TVP23A: variants seen among roughly 807,000 people sequenced by gnomAD.
The protein encoded by TVP23A is Golgi apparatus membrane protein TVP23 homolog A.
Under a neutral mutation model 31.7 loss-of-function variants are expected in TVP23A, and 21 were observed. The observed-to-expected ratio is 0.66, with a 90% CI of 0.47 to 0.95. The LOEUF (loss-of-function observed/expected upper bound fraction) is 0.95. Ranked by LOEUF, TVP23A falls within the 40% of genes least tolerant of loss-of-function variation. The pLI, the probability that TVP23A is intolerant of heterozygous loss-of-function variation, is 0.00. For missense variants in TVP23A, 279 were observed against 255.6 expected (o/e 1.09, Z -0.62); for synonymous variants, 104 against 96.0 (o/e 1.08, Z -0.49).
At chr16:10,797,809 G>A (rs1047314687) in intron 2 of TVP23A, among the ~76,000 whole-genome samples, 3 of 152,008 alleles carry the variant, frequency 2.0e-5, no homozygotes, top group African/African-American at 7.2e-5. Context: ...AAAATGATCG[G>A]GGGAAGGTGA....
At chr16:10,797,567 G>T (rs549388003) in intron 2 of TVP23A, among the ~76,000 whole-genome samples, 4 of 139,228 alleles carry the variant, frequency 2.9e-5, no homozygotes, top group Non-Finnish European at 6.0e-5. Flanking sequence ...AAAAAAAAAT[G>T]ATTCTTATCA....
chr16:10,804,751 C>T (rs1373943677), intron 2 of TVP23A, among the ~76,000 whole-genome samples: 1 of 152,032 alleles, frequency 6.6e-6, no homozygotes, highest in Non-Finnish European at 1.5e-5. Flanking sequence ...GTCTTTAAAA[C>T]AAACAAACAA....
rs766112554 is a variant in TVP23A, at chr16:10,773,996, C to T, written c.324+43G>A. 29 of 1,490,944 alleles carry T rather than the reference C, an allele frequency of 1.9e-5. No individual in the cohort carries two copies. In the Admixed American group the frequency reaches 5.3e-4, roughly 27 times the overall value. The allele number at this position is 1,490,944 out of a possible 1,614,324, so 92.4% of individuals were successfully genotyped here. Reference sequence around the variant, plus strand: ...GGAACCCACAGAAACTTTCCACACCCATTATCCCCGCTCTGGTTAGTTCAG... The same window carrying T: ...GGAACCCACAGAAACTTTCCACACCTATTATCCCCGCTCTGGTTAGTTCAG... On this transcript the variant is annotated intron_variant, in intron 4 of 7. Transcript: ENST00000299866.
chr16:10,781,241 A>G (rs1312401084), intron 2 of TVP23A, among the ~76,000 whole-genome samples: 1 of 151,842 alleles, frequency 6.6e-6, no homozygotes, highest in African/African-American at 2.4e-5. Flanking sequence ...AGACAGGAGG[A>G]TCGCTTGAAC....
intron 2 of TVP23A, among the ~76,000 whole-genome samples, chr16:10,802,272 GTGTGTGTGTGTGTATA>G (rs1184376480): frequency 1.5e-5 from 2 of 133,818 alleles, no homozygotes; most frequent in African/African-American, 6.5e-5. Flanking sequence ...GTGTGTGTGT[GTGTGTGTGTGTGTATA>G]TGTGTGTGTG....
downstream of TVP23A, among the ~76,000 whole-genome samples, chr16:10,760,207 T>C (rs1444487109): frequency 1.3e-5 from 2 of 152,248 alleles, no homozygotes; most frequent in Non-Finnish European, 1.5e-5. Flanking sequence ...AAGGGCCAGA[T>C]AGGAAGTAGG....
At chr16:10,761,634 G>A in intron 8 of TVP23A, 1 of 950,562 alleles carries the variant, frequency 1.1e-6, no homozygotes, top group South Asian at 1.7e-5. Flanking sequence ...AAGTTCTTTA[G>A]GTGTTAAGGG....
chr16:10,804,545 T>C (rs775652487), intron 2 of TVP23A, among the ~76,000 whole-genome samples: 4 of 152,120 alleles, frequency 2.6e-5, no homozygotes, highest in Non-Finnish European at 5.9e-5. Flanking sequence ...GCCAGGAGTC[T>C]GAGACCAGCC....
At chr16:10,804,611 T>G (rs1032299719) in intron 2 of TVP23A, among the ~76,000 whole-genome samples, 1 of 152,116 alleles carries the variant, frequency 6.6e-6, no homozygotes, top group Admixed American at 6.6e-5. Flanking sequence ...GCCGGTGTGG[T>G]GGTACATGTC....
At chr16:10,792,866 G>A (rs1011833853) in intron 2 of TVP23A, among the ~76,000 whole-genome samples, 2 of 152,248 alleles carry the variant, frequency 1.3e-5, no homozygotes, top group Non-Finnish European at 2.9e-5. Flanking sequence ...GAGGCTGATT[G>A]CCAAGTGCTC....
At chr16:10,772,229 G>C (rs1017033213) in intron 5 of TVP23A, among the ~76,000 whole-genome samples, 2 of 152,196 alleles carry the variant, frequency 1.3e-5, no homozygotes, top group African/African-American at 2.4e-5. Context: ...ATTTTACAAA[G>C]AGGAAACTGA....
intron 2 of TVP23A, among the ~76,000 whole-genome samples, chr16:10,814,817 A>G (rs1435457757): frequency 7.9e-5 from 12 of 152,196 alleles, no homozygotes; most frequent in Non-Finnish European, 2.9e-5. Context: ...CCCCATCCTC[A>G]TAGAAGGTTC....
intron 3 of TVP23A, 100 bp from the exon 4 acceptor site, chr16:10,774,228 C>T (rs950334819): frequency 5.9e-6 from 5 of 842,732 alleles, no homozygotes; most frequent in Non-Finnish European, 9.1e-6. Context: ...CAGACTTGTA[C>T]TGGGAGCAGG....
intron 2 of TVP23A, among the ~76,000 whole-genome samples, chr16:10,808,345 T>TTGA (rs2034038092): frequency 6.6e-6 from 1 of 152,134 alleles, no homozygotes; most frequent in Non-Finnish European, 1.5e-5. Context: ...CAAAAGTTAC[T>TTGA]TGATTGGCTA....
intron 5 of TVP23A, among the ~76,000 whole-genome samples, chr16:10,772,220 T>C (rs538317445): frequency 6.6e-6 from 1 of 152,218 alleles, no homozygotes; most frequent in South Asian, 2.1e-4. Context: ...CATCATCCCA[T>C]TTTACAAAGA....
downstream of TVP23A, among the ~76,000 whole-genome samples, chr16:10,757,477 T>G (rs191600962): frequency 6.6e-6 from 1 of 152,068 alleles, no homozygotes; most frequent in African/African-American, 2.4e-5. The surrounding 1 kb of genome is among the most constrained non-coding windows in gnomAD (Gnocchi z 4.1). Flanking sequence ...TAAGTCTTTG[T>G]TGGGGGGAGG....
At chr16:10,787,833 T>C (rs567105857) in intron 2 of TVP23A, among the ~76,000 whole-genome samples, 1 of 152,298 alleles carries the variant, frequency 6.6e-6, no homozygotes, top group Admixed American at 6.5e-5. Context: ...CCAGGGTATT[T>C]ACCCCAGACA....
At position 10,804,968 on chromosome 16, in the gene TVP23A, G is replaced by C. The variant is rs185453171; in HGVS notation, c.89+13135C>G. Among the ~76,000 whole-genome samples the C allele has an allele frequency of 1.2e-4, 18 of 151,546 alleles. No homozygotes were observed. The East Asian group carries it at 2.3e-3, about 20-fold the overall frequency. ...TCCCCACTCCTCCCAGATCCTGACAGCCACCAATCTGCCTCTGTCTCGGTG... is the reference window on the plus strand; with the variant it reads ...TCCCCACTCCTCCCAGATCCTGACACCCACCAATCTGCCTCTGTCTCGGTG... On this transcript the variant is annotated intron_variant, in intron 2 of 7. Coordinates refer to ENST00000299866, the MANE Select transcript of TVP23A (RefSeq NM_001079512.4).
chr16:10,770,223 T>C, intron 7 of TVP23A, 49 bp downstream of exon 7: 1 of 1,547,344 alleles, frequency 6.5e-7, no homozygotes, highest in East Asian at 2.5e-5. Context: ...AGCTGCATTT[T>C]TCAGAATTCC....
Sources: allele counts gnomAD v4.1 joint callset (sites outside exome capture counted in the v4.1 genomes callset), GRCh38; gene constraint gnomAD v4.1.1; non-coding constraint Gnocchi (gnomAD v3.1); transcripts MANE v1.5; gene names NCBI Gene and HGNC (gene_info 2026-07-23, HGNC 2026-07-21).